Variants in ZNF282 observed in about 807,000 individuals in gnomAD.
ZNF282 encodes zinc finger protein 282, also known as HTLV-I U5 repressive element-binding protein 1.
ZNF282 carries 30 observed loss-of-function variants against 61.9 expected under a neutral mutation model. The ratio of observed to expected loss-of-function variants is 0.48; its 90% CI spans 0.36 to 0.66. The LOEUF is 0.66. Among genes scored for constraint, ZNF282 ranks in the 30% least tolerant of loss-of-function variants. ZNF282 has a pLI of 0.00. For missense variants in ZNF282, 788 were observed against 941.4 expected, an observed-to-expected ratio of 0.84 and a Z score of 2.13; for synonymous variants, 396 against 405.0, an observed-to-expected ratio of 0.98 and a Z score of 0.27.
chr7:149,222,898 G>A (rs1229066231), intron 7 of ZNF282, among the ~76,000 whole-genome samples: 1 of 152,108 alleles, frequency 6.6e-6, no homozygotes, highest in Non-Finnish European at 1.5e-5. Flanking sequence ...CACCCACCTC[G>A]GCCTCCCATA....
chr7:149,198,412 C>T lies in ZNF282; in HGVS notation c.245C>T (p.Pro82Leu), dbSNP rs780428606. ...TTTCCAGATAGGGCACCTGTCTTCC[C>T]CGACCGCATGATGCGAGAGCCCCAG... is the stretch of plus-strand genomic sequence containing the variant. Reference protein sequence around the residue: ...PPFPDRAPVFPDRMMREPQLP... With the variant: ...PPFPDRAPVFLDRMMREPQLP... Residue 82 changes from proline (P) to leucine (L), a missense_variant, in exon 2 of 8, where the codon CCC becomes CTC. By Grantham distance (98) the Pro-to-Leu change is moderately conservative. Coordinates refer to ENST00000610704, the MANE Select transcript of ZNF282 (RefSeq NM_003575.4). The surrounding 1 kb of genome is among the most constrained non-coding windows in gnomAD (Gnocchi z 4.3). The T allele has an allele frequency of 1.5e-5, 24 of 1,614,060 alleles. No individual in the cohort carries two copies. Among genetic ancestry groups the T allele is most frequent in the Non-Finnish European group, 1.9e-5 (22 of 1,180,044 alleles).
intron 2 of ZNF282, among the ~76,000 whole-genome samples, chr7:149,201,889 T>C (rs943918277): frequency 5.3e-5 from 8 of 152,192 alleles, no homozygotes; most frequent in Non-Finnish European, 1.0e-4. Context: ...CACTCCCATC[T>C]GTGCTGTTCT....
chr7:149,202,698 G>A (rs1202409), intron 2 of ZNF282, among the ~76,000 whole-genome samples: 1,904 of 152,192 alleles, frequency 0.013, 13 homozygotes, highest in Middle Eastern at 0.037. Context: ...TGATCCATCC[G>A]CCTCAGCCTC....
intron 4 of ZNF282, among the ~76,000 whole-genome samples, chr7:149,208,610 T>C (rs1796033931): frequency 6.6e-6 from 1 of 152,202 alleles, no homozygotes; most frequent in Admixed American, 6.5e-5. Context: ...TTTCCTTTTT[T>C]TGAGATGTGA....
At chr7:149,206,518 C>T (rs1052715062) in intron 2 of ZNF282, 178 bp from the exon 3 acceptor site, 3 of 818,736 alleles carry the variant, frequency 3.7e-6, no homozygotes, top group Non-Finnish European at 3.9e-6. Flanking sequence ...TTATTGAAAG[C>T]ATGAGAAGGT....
At chr7:149,223,310 T>A (rs986380506) in intron 7 of ZNF282, among the ~76,000 whole-genome samples, 1 of 151,206 alleles carries the variant, frequency 6.6e-6, no homozygotes, top group Non-Finnish European at 1.5e-5. Context: ...TAGCTGGGCC[T>A]GGTGGCGCAT....
chr7:149,196,077 C>T (rs1795812084), intron 1 of ZNF282, among the ~76,000 whole-genome samples: 1 of 152,040 alleles, frequency 6.6e-6, no homozygotes, highest in Non-Finnish European at 1.5e-5. Context: ...GTGGCTGAGC[C>T]CCGGCTTGGG....
chr7:149,212,579 G>T (rs768651777), intron 6 of ZNF282, 108 bp downstream of exon 6: 177 of 951,724 alleles, frequency 1.9e-4, no homozygotes, highest in Non-Finnish European at 2.6e-4. Flanking sequence ...AATTACTTCA[G>T]CACTGATTTT....
At position 149,225,978 on chromosome 7, in the gene ZNF282, A is replaced by G. The variant is rs950213085; in HGVS notation, c.*1331A>G. 7.2e-5 allele frequency: 11 copies of G among 152,526 alleles called. No homozygotes were observed. The highest frequency in any genetic ancestry group is 2.7e-4 in the African/African-American group (11 of 41,450). 9.4% of individuals were successfully genotyped at this position (152,526 alleles called of 1,614,324 possible). A position where few individuals can be genotyped will look rare whatever the true frequency, so the allele number is the denominator to read the frequency against. On this transcript the variant is annotated 3_prime_UTR_variant, in exon 8 of 8. Transcript: ENST00000610704. ...CCCAGGACCCTTGTTTGTGTCAAAA[A>G]TGACTTTCCCTGCCCTTGCCGTGGG...
At position 149,224,624 on chromosome 7, in the gene ZNF282, C is replaced by T. The variant is rs1267023872; in HGVS notation, c.1993C>T (p.Pro665Ser). 3.3e-6 allele frequency: 5 copies of T among 1,536,056 alleles called. No individual in the cohort carries two copies. The highest frequency in any genetic ancestry group is 4.4e-6 in the Non-Finnish European group (5 of 1,145,432). Reference sequence around the variant, plus strand: ...GGGCCCCGGCGCCCCACGGCAGCTCCCGCCGCCTCCTGAGCGAGACTAGGG... The same window carrying T: ...GGGCCCCGGCGCCCCACGGCAGCTCTCGCCGCCTCCTGAGCGAGACTAGGG... ...GPGPGAPRQLPPPPERD is the reference protein window; with the variant it reads ...GPGPGAPRQLSPPPERD Residue 665 changes from proline to serine, a missense_variant, in exon 8 of 8, where the codon CCG becomes TCG. Transcript: ENST00000610704.
Position 149,221,392 on chromosome 7 carries a change from C to T in ZNF282, c.1181-2420C>T, listed in dbSNP as rs769054791. On this transcript the variant is annotated intron_variant, in intron 7 of 7. Transcript: ENST00000610704. ...AAAAGGTTGGAGGTGGAGGGCATAG[C>T]GGGATGGTGAGAACGTGGATTGAGG... 6.6e-5 allele frequency among the ~76,000 whole-genome samples: 10 copies of T among 152,166 alleles called. No individual in the cohort carries two copies. In the East Asian group the frequency reaches 1.2e-3, roughly 18 times the overall value.
In ZNF282 at chr7:149,224,053, C is replaced by G; in HGVS notation, c.1422C>G (p.Gly474=). Residue 474 remains glycine (G), a synonymous_variant, in exon 8 of 8, where the codon GGC becomes GGG. Coordinates refer to ENST00000610704, the MANE Select transcript of ZNF282 (RefSeq NM_003575.4). The part of the protein sequence containing the change: ...APPGGDRSTG[G]GGGDGGGGGG... ...CGGGTGGGGACCGCAGCACCGGGGGCGGCGGGGGCGATGGGGGCGGTGGGG... is the reference window on the plus strand; with the variant it reads ...CGGGTGGGGACCGCAGCACCGGGGGGGGCGGGGGCGATGGGGGCGGTGGGG... 9.3e-7 allele frequency: 1 copy of G among 1,076,068 alleles called. No individual in the cohort carries two copies. The highest frequency in any genetic ancestry group is 1.2e-6 in the Non-Finnish European group (1 of 865,350). The allele number at this position is 1,076,068 out of a possible 1,614,324, so 66.7% of individuals were successfully genotyped here.
chr7:149,203,419 C>G lies in ZNF282; in HGVS notation c.586-3277C>G, dbSNP rs149324493. On this transcript the variant is annotated intron_variant, in intron 2 of 7. Coordinates refer to ENST00000610704, the MANE Select transcript of ZNF282 (RefSeq NM_003575.4). Reference sequence around the variant, plus strand: ...CTGGAGTACAGTTATACAATCATAGCTCATGCAGCTTTGAACTCCTGGGCT... The same window carrying G: ...CTGGAGTACAGTTATACAATCATAGGTCATGCAGCTTTGAACTCCTGGGCT... Among the ~76,000 whole-genome samples, 167 of 152,322 alleles carry G rather than the reference C, an allele frequency of 1.1e-3. 2 individuals carry two copies. The highest frequency in any genetic ancestry group is 3.7e-3 in the African/African-American group (153 of 41,574).
chr7:149,218,118 A>G (rs1796187359), intron 7 of ZNF282, among the ~76,000 whole-genome samples: 1 of 151,188 alleles, frequency 6.6e-6, no homozygotes, highest in Admixed American at 6.6e-5. Flanking sequence ...AAAAAAAAAA[A>G]AAGAGAGAGA....
At position 149,202,095 on chromosome 7, in the gene ZNF282, G is replaced by A. The variant is rs115864937; in HGVS notation, c.585+3343G>A. On this transcript the variant is annotated intron_variant, in intron 2 of 7. Coordinates refer to ENST00000610704, the MANE Select transcript of ZNF282 (RefSeq NM_003575.4). ...CACACTCGTCTCCCTGCCCTTACTC[G>A]AATTTTCTACAAAGCACTTTTGCCA... is the stretch of plus-strand genomic sequence containing the variant. Among the ~76,000 whole-genome samples the A allele has an allele frequency of 3.7e-3, 555 of 150,838 alleles. 3 individuals are homozygous for A. The highest frequency in any genetic ancestry group is 0.01 in the African/African-American group (421 of 41,014).
At chr7:149,202,699 C>T (rs1476882510) in intron 2 of ZNF282, among the ~76,000 whole-genome samples, 1 of 152,178 alleles carries the variant, frequency 6.6e-6, no homozygotes. Flanking sequence ...GATCCATCCG[C>T]CTCAGCCTCC....
intron 7 of ZNF282, among the ~76,000 whole-genome samples, chr7:149,215,586 G>A (rs987993697): frequency 6.6e-6 from 1 of 152,204 alleles, no homozygotes; most frequent in Non-Finnish European, 1.5e-5. Flanking sequence ...TTCAAACTCA[G>A]GCAAGCGGAT....
intron 2 of ZNF282, among the ~76,000 whole-genome samples, chr7:149,199,961 T>C (rs1296791472): frequency 6.6e-6 from 1 of 152,222 alleles, no homozygotes; most frequent in East Asian, 1.9e-4. Context: ...TAGATCACTG[T>C]CTAGCCAGTG....
At chr7:149,208,232 C>T (rs1370423022) in intron 4 of ZNF282, among the ~76,000 whole-genome samples, 1 of 152,138 alleles carries the variant, frequency 6.6e-6, no homozygotes, top group Non-Finnish European at 1.5e-5. Flanking sequence ...TTCTGTGGTT[C>T]AGGCTGGAAT....
Sources: gnomAD v4.1 joint callset for allele counts (sites outside exome capture counted in the v4.1 genomes callset) on GRCh38, gnomAD v4.1.1 for gene constraint, Gnocchi (gnomAD v3.1) non-coding constraint, MANE v1.5 for transcripts, NCBI Gene and HGNC (gene_info 2026-07-23, HGNC 2026-07-21) for gene names.